CFAP70: variants seen among roughly 807,000 people sequenced by gnomAD.
CFAP70 encodes cilia and flagella associated protein 70.
Under a neutral mutation model 137.6 loss-of-function variants are expected in CFAP70, and 81 were observed. That is an observed-to-expected ratio of 0.59 (90% CI 0.49 to 0.71). CFAP70 has a LOEUF of 0.71. Among genes scored for constraint, CFAP70 ranks in the 30% least tolerant of loss-of-function variants. The pLI is 0.00. For missense variants in CFAP70, 976 were observed against 1,226.7 expected, an observed-to-expected ratio of 0.80 and a Z score of 3.05; for synonymous variants, 382 against 423.6, an observed-to-expected ratio of 0.90 and a Z score of 1.20.
intron 23 of CFAP70, among the ~76,000 whole-genome samples, chr10:73,274,052 A>C (rs1564764436): frequency 6.6e-6 from 1 of 152,344 alleles, no homozygotes; most frequent in African/African-American, 2.4e-5. Context: ...CCTCAACCAG[A>C]TTAAATATAA....
At chr10:73,345,750 T>C (rs1167449829) in intron 4 of CFAP70, among the ~76,000 whole-genome samples, 2 of 151,914 alleles carry the variant, frequency 1.3e-5, no homozygotes, top group Non-Finnish European at 2.9e-5. Context: ...TGAGCTGAGA[T>C]TGTGCCATTG....
At chr10:73,333,246 C>CA (rs2052310108) in intron 7 of CFAP70, among the ~76,000 whole-genome samples, 1 of 151,486 alleles carries the variant, frequency 6.6e-6, no homozygotes, top group Admixed American at 6.6e-5. Context: ...AAAATGAAAA[C>CA]AAAAAATCAT....
chr10:73,292,421 A>G (rs1022390389), intron 16 of CFAP70, among the ~76,000 whole-genome samples: 6 of 152,208 alleles, frequency 3.9e-5, no homozygotes, highest in Non-Finnish European at 8.8e-5. Flanking sequence ...AACTATAAAA[A>G]TTGCTTAAAT....
chr10:73,318,644 A>T (rs995186987), intron 9 of CFAP70, among the ~76,000 whole-genome samples: 1 of 152,232 alleles, frequency 6.6e-6, no homozygotes, highest in African/African-American at 2.4e-5. Context: ...AGACAAATTT[A>T]GTCACTTGCC....
chr10:73,337,619 T>C (rs2052799816), intron 6 of CFAP70, among the ~76,000 whole-genome samples: 3 of 151,850 alleles, frequency 2.0e-5, no homozygotes, highest in South Asian at 4.2e-4. Flanking sequence ...AAAGAACTTT[T>C]ATCTGCTGGG....
Position 73,322,947 on chromosome 10 carries a change from T to A in CFAP70, c.912+16A>T, listed in dbSNP as rs750347233. On this transcript the variant is annotated intron_variant, in intron 9 of 26. Transcript: ENST00000310715. ...GGATAAATTACCATGATGATTTTTA[T>A]GCAATTTTTTCTTACCTTTTCATGG... 6.3e-7 allele frequency: 1 copy of A among 1,575,524 alleles called. No individual in the cohort carries two copies. Among genetic ancestry groups the A allele is most frequent in the Admixed American group, 2.0e-5 (1 of 50,804 alleles).
At chr10:73,323,131 A>G (rs767284257) in intron 8 of CFAP70, 34 bp from the exon 10 acceptor site, 40 of 1,576,316 alleles carry the variant, frequency 2.5e-5, no homozygotes, top group Non-Finnish European at 3.3e-5. Context: ...TGTTAGTGCT[A>G]TAAGCAATGT....
At chr10:73,319,802 G>A (rs1203969971) in intron 9 of CFAP70, among the ~76,000 whole-genome samples, 1 of 152,102 alleles carries the variant, frequency 6.6e-6, no homozygotes, top group Non-Finnish European at 1.5e-5. Flanking sequence ...TTAAAGAATT[G>A]TTGAACTTCT....
chr10:73,299,676 A>G lies in CFAP70; in HGVS notation c.1257-11T>C, dbSNP rs1324753925. The G allele has an allele frequency of 6.2e-7, 1 of 1,604,458 alleles. No homozygotes were observed. The highest frequency in any genetic ancestry group is 1.7e-5 in the Admixed American group (1 of 58,522). Reference sequence around the variant, plus strand: ...ATCATTTCCTTGACCCTGTATCAGGAAAGAAAAAAAATAAAAAAACAAAAA... The same window carrying G: ...ATCATTTCCTTGACCCTGTATCAGGGAAGAAAAAAAATAAAAAAACAAAAA... On this transcript the variant is annotated splice_polypyrimidine_tract_variant and intron_variant, in intron 12 of 26. Transcript: ENST00000310715.
chr10:73,319,403 C>G (rs1249708176), intron 9 of CFAP70, among the ~76,000 whole-genome samples: 2 of 152,222 alleles, frequency 1.3e-5, no homozygotes, highest in African/African-American at 4.8e-5. Context: ...TTAAACAAAG[C>G]CTCTCTTCCT....
intron 9 of CFAP70, among the ~76,000 whole-genome samples, chr10:73,320,503 T>A (rs1277658573): frequency 6.6e-6 from 1 of 151,688 alleles, no homozygotes; most frequent in African/African-American, 2.4e-5. Context: ...AAAAAAAAAT[T>A]TTTTTTGTAG....
At chr10:73,314,138 G>A (rs1227395011) in intron 9 of CFAP70, among the ~76,000 whole-genome samples, 1 of 152,150 alleles carries the variant, frequency 6.6e-6, no homozygotes, top group Non-Finnish European at 1.5e-5. Context: ...GACCAAAGGA[G>A]GCCAGGCGAG....
intron 7 of CFAP70, 83 bp downstream of exon 8, chr10:73,335,347 A>G (rs1310993954): frequency 3.6e-6 from 3 of 837,472 alleles, no homozygotes; most frequent in Non-Finnish European, 5.7e-6. Flanking sequence ...TAACTCAAAT[A>G]TAAATAAAAT....
At chr10:73,362,500 G>T (rs959510931), upstream of CFAP70, among the ~76,000 whole-genome samples, 3 of 151,238 alleles carry the variant, frequency 2.0e-5, no homozygotes, top group Admixed American at 6.6e-5. Context: ...TTGCCTACTT[G>T]GTTAAAACTT....
intron 11 of CFAP70, 154 bp from the exon 13 acceptor site, chr10:73,310,403 T>G: frequency 2.3e-6 from 1 of 444,102 alleles, no homozygotes; most frequent in South Asian, 3.8e-5. Context: ...ACTTTTCACA[T>G]AGAAAAATAA....
At chr10:73,278,431 A>G in intron 19 of CFAP70, 94 bp from the exon 21 acceptor site, 1 of 965,430 alleles carries the variant, frequency 1.0e-6, no homozygotes, top group Non-Finnish European at 1.5e-6. Flanking sequence ...CATAAGAAAC[A>G]TATTCCCTAA....
At chr10:73,342,221 T>C (rs1194198064) in intron 5 of CFAP70, among the ~76,000 whole-genome samples, 1 of 152,162 alleles carries the variant, frequency 6.6e-6, no homozygotes, top group Admixed American at 6.6e-5. Context: ...GTTTCATTAA[T>C]AATCAGTAAA....
chr10:73,288,211 C>T (rs1213516520), intron 19 of CFAP70, among the ~76,000 whole-genome samples: 1 of 151,980 alleles, frequency 6.6e-6, no homozygotes, highest in Non-Finnish European at 1.5e-5. Context: ...ATATCAAAAA[C>T]ATTGATGGGC....
At position 73,331,289 on chromosome 10, in the gene CFAP70, A is replaced by G. The variant is rs772860304; in HGVS notation, c.678-13T>C. The G allele has an allele frequency of 3.8e-5, 61 of 1,608,100 alleles. No individual in the cohort carries two copies. In the South Asian group the frequency reaches 6.5e-4, roughly 17 times the overall value. Reference sequence around the variant, plus strand: ...TCGCTTCTGAAAACTGCAAATCAAGAATCAGTCCATTAGCATTATATGCAA... The same window carrying G: ...TCGCTTCTGAAAACTGCAAATCAAGGATCAGTCCATTAGCATTATATGCAA... On this transcript the variant is annotated splice_polypyrimidine_tract_variant and intron_variant, in intron 7 of 26. Coordinates refer to ENST00000310715, the Ensembl canonical transcript of CFAP70.
Sources: allele counts gnomAD v4.1 joint callset (sites outside exome capture counted in the v4.1 genomes callset), GRCh38; gene constraint gnomAD v4.1.1; transcripts MANE v1.5; gene names NCBI Gene and HGNC (gene_info 2026-07-23, HGNC 2026-07-21).